CNTN4: variants seen among roughly 807,000 people sequenced by gnomAD.
CNTN4 encodes the protein contactin-4.
CNTN4 carries 77 observed loss-of-function variants against 122.5 expected under a neutral mutation model. That is an observed-to-expected ratio of 0.63 (90% confidence interval 0.52 to 0.76). CNTN4 has a LOEUF of 0.76. CNTN4 is among the 30% of genes least tolerant of loss of function. The pLI, the probability that CNTN4 is intolerant of heterozygous loss-of-function variation, is 0.00. For synonymous variants in CNTN4, 512 were observed against 447.0 expected (o/e 1.15, Z -1.83); for missense variants, 1,256 against 1,259.1 (o/e 1.00, Z 0.04).
chr3:2,191,878 C>G (rs950181797), intron 2 of CNTN4, among the ~76,000 whole-genome samples: 5 of 152,000 alleles, frequency 3.3e-5, no homozygotes, highest in Non-Finnish European at 5.9e-5. Flanking sequence ...ATGCCTCCCC[C>G]CTCCCCCCAC....
chr3:3,021,713 T>C (rs1426918405), intron 14 of CNTN4, among the ~76,000 whole-genome samples: 1 of 152,222 alleles, frequency 6.6e-6, no homozygotes, highest in Non-Finnish European at 1.5e-5. Flanking sequence ...GAAGGATTGG[T>C]AGGGTATCAG....
chr3:2,871,064 A>G (rs73112755), intron 8 of CNTN4, among the ~76,000 whole-genome samples: 113 of 152,150 alleles, frequency 7.4e-4, no homozygotes, highest in African/African-American at 2.6e-3. Flanking sequence ...GATGTCTCCT[A>G]TGTGGGGCCA....
At chr3:2,492,601 A>G (rs1193556182) in intron 3 of CNTN4, among the ~76,000 whole-genome samples, 2 of 152,318 alleles carry the variant, frequency 1.3e-5, no homozygotes, top group East Asian at 1.9e-4. Context: ...GTTATCTGTA[A>G]TAGATATTTT....
chr3:2,877,169 G>A (rs1367758706), intron 8 of CNTN4, among the ~76,000 whole-genome samples: 2 of 152,242 alleles, frequency 1.3e-5, no homozygotes, highest in Non-Finnish European at 2.9e-5. Flanking sequence ...ACTAAGCCAT[G>A]TGCTGAAAAA....
chr3:2,455,026 C>G (rs2048946877), intron 3 of CNTN4, among the ~76,000 whole-genome samples: 1 of 150,520 alleles, frequency 6.6e-6, no homozygotes, highest in African/African-American at 2.4e-5. Context: ...CATACTTCAT[C>G]TGTTAGTGGC....
intron 7 of CNTN4, among the ~76,000 whole-genome samples, chr3:2,847,208 A>G (rs1048014968): frequency 2.0e-5 from 3 of 151,582 alleles, no homozygotes; most frequent in Admixed American, 1.3e-4. Context: ...TCTAATAGCT[A>G]AACTGTGACC....
chr3:2,722,210 G>T (rs1254461269), intron 4 of CNTN4, among the ~76,000 whole-genome samples: 1 of 152,168 alleles, frequency 6.6e-6, no homozygotes, highest in East Asian at 1.9e-4. Context: ...CAATACGAAT[G>T]ACCTTTCAAC....
chr3:2,195,156 A>G (rs9883256), intron 2 of CNTN4, among the ~76,000 whole-genome samples: 49 of 151,792 alleles, frequency 3.2e-4, no homozygotes, highest in Non-Finnish European at 6.2e-4. Context: ...TTCCACGTGT[A>G]AGTGAGATCA....
At chr3:2,916,827 C>G (rs1021201805) in intron 12 of CNTN4, among the ~76,000 whole-genome samples, 17 of 150,914 alleles carry the variant, frequency 1.1e-4, no homozygotes, top group Non-Finnish European at 2.4e-4. Context: ...GGTGGAGACG[C>G]TCCTCAGTTC....
chr3:2,742,668 C>T (rs1473802291), intron 5 of CNTN4, among the ~76,000 whole-genome samples: 2 of 152,110 alleles, frequency 1.3e-5, no homozygotes, highest in African/African-American at 2.4e-5. Flanking sequence ...AGAGTGGAGT[C>T]GTGGTTCCTC....
At chr3:2,791,429 A>G (rs1576807524) in intron 6 of CNTN4, among the ~76,000 whole-genome samples, 1 of 151,754 alleles carries the variant, frequency 6.6e-6, no homozygotes, top group Non-Finnish European at 1.5e-5. Context: ...GCTACTCAGG[A>G]GGCTGAAGGG....
chr3:2,452,712 G>C (rs570526181), intron 3 of CNTN4, among the ~76,000 whole-genome samples: 225 of 152,140 alleles, frequency 1.5e-3, no homozygotes, highest in African/African-American at 5.1e-3. Flanking sequence ...GTTGGAAAAA[G>C]ACAGGGACCA....
chr3:2,666,117 G>T (rs1262877055), intron 4 of CNTN4, among the ~76,000 whole-genome samples: 1 of 152,176 alleles, frequency 6.6e-6, no homozygotes, highest in African/African-American at 2.4e-5. Context: ...GCTAGCAATA[G>T]AACAAATTCA....
rs763006595 is a variant in CNTN4, at chr3:2,745,645, G to A, written c.306G>A (p.Ala102=). 5.0e-6 allele frequency: 8 copies of A among 1,614,004 alleles called. No homozygotes were observed. Among genetic ancestry groups the A allele is most frequent in the African/African-American group, 1.3e-5 (1 of 75,036 alleles). ...TQDAGTYQCT[A]TNSFGTIVSR... is the part of the protein sequence containing the mutation. ...ATGCTGGAACGTACCAGTGCACAGC[G>A]ACAAACTCGTTTGGAACAATTGTTA... Residue 102 remains alanine, a synonymous_variant, in exon 6 of 25, where the codon GCG becomes GCA. Coordinates refer to ENST00000418658, the MANE Select transcript of CNTN4 (RefSeq NM_175607.3).
chr3:2,942,980 G>A (rs1036577598), intron 13 of CNTN4, among the ~76,000 whole-genome samples: 2 of 152,160 alleles, frequency 1.3e-5, no homozygotes, highest in African/African-American at 4.8e-5. Context: ...AACCATGATT[G>A]TATAAGGACG....
At chr3:2,784,953 A>G (rs1228334938) in intron 6 of CNTN4, among the ~76,000 whole-genome samples, 1 of 152,100 alleles carries the variant, frequency 6.6e-6, no homozygotes, top group Non-Finnish European at 1.5e-5. Flanking sequence ...TACTTGGATA[A>G]TTATACTTGA....
chr3:2,997,262 T>C (rs116124517), intron 14 of CNTN4, among the ~76,000 whole-genome samples: 1 of 152,240 alleles, frequency 6.6e-6, no homozygotes, highest in Non-Finnish European at 1.5e-5. Flanking sequence ...TGCTTTGTCA[T>C]GTAGACTGGT....
intron 2 of CNTN4, among the ~76,000 whole-genome samples, chr3:2,274,111 C>T (rs891175340): frequency 3.3e-5 from 5 of 151,938 alleles, no homozygotes; most frequent in Admixed American, 6.6e-5. Context: ...GGCTGGATAC[C>T]GTGGCTCACG....
intron 4 of CNTN4, among the ~76,000 whole-genome samples, chr3:2,722,208 A>G (rs1257794988): frequency 6.6e-6 from 1 of 152,186 alleles, no homozygotes; most frequent in Non-Finnish European, 1.5e-5. Context: ...CACAATACGA[A>G]TGACCTTTCA....
Sources: gnomAD v4.1 joint callset for allele counts (sites outside exome capture counted in the v4.1 genomes callset) on GRCh38, gnomAD v4.1.1 for gene constraint, MANE v1.5 for transcripts, NCBI Gene and HGNC (gene_info 2026-07-23, HGNC 2026-07-21) for gene names.